The following BTG3 variants were observed in gnomAD, a reference collection of about 807,000 sequenced individuals.
BTG3 encodes the protein protein BTG3.
BTG3 carries 4 observed loss-of-function variants against 25.8 expected under a neutral mutation model. That is an observed-to-expected ratio of 0.16 (90% CI 0.08 to 0.36). The LOEUF (loss-of-function observed/expected upper bound fraction) is 0.36. Among genes scored for constraint, BTG3 ranks in the 10% least tolerant of loss-of-function variants. The pLI, the probability that BTG3 is intolerant of heterozygous loss-of-function variation, is 1.00. For missense variants in BTG3, 201 were observed against 304.9 expected (o/e 0.66, Z 2.54); for synonymous variants, 107 against 99.9 (o/e 1.07, Z -0.42).
intron 2 of BTG3, among the ~76,000 whole-genome samples, chr21:17,606,215 A>G (rs2061639613): frequency 6.6e-6 from 1 of 152,052 alleles, no homozygotes; most frequent in South Asian, 2.1e-4. Flanking sequence ...TTTTTTCCTC[A>G]GCATAAAGAA....
chr21:17,606,990 TACAA>T (rs2061651907), intron 2 of BTG3, among the ~76,000 whole-genome samples: 1 of 152,180 alleles, frequency 6.6e-6, no homozygotes, highest in African/African-American at 2.4e-5. Flanking sequence ...AATTTCAACT[TACAA>T]ACATTTTGTA....
intron 1 of BTG3, among the ~76,000 whole-genome samples, chr21:17,611,368 C>A (rs2061721175): frequency 6.6e-6 from 1 of 152,108 alleles, no homozygotes; most frequent in Non-Finnish European, 1.5e-5. Flanking sequence ...TATCTGAGTT[C>A]TGGATTTGTT....
At chr21:17,600,765 T>C (rs901349610) in intron 3 of BTG3, among the ~76,000 whole-genome samples, 1 of 152,346 alleles carries the variant, frequency 6.6e-6, no homozygotes. Context: ...TTTCTTCAGA[T>C]AGCTATGCTG....
chr21:17,597,819 T>A (rs1457954150), intron 4 of BTG3, among the ~76,000 whole-genome samples: 2 of 152,182 alleles, frequency 1.3e-5, no homozygotes, highest in Non-Finnish European at 2.9e-5. Flanking sequence ...TTTATCATAC[T>A]AAAAGCTCCA....
chr21:17,599,081 TAA>T (rs551777196), intron 3 of BTG3: 4 of 319,968 alleles, frequency 1.3e-5, no homozygotes, highest in East Asian at 5.1e-5. Flanking sequence ...TACTAATTCC[TAA>T]AAAAAAAATT....
intron 4 of BTG3, among the ~76,000 whole-genome samples, chr21:17,598,368 TCTA>T (rs1489705128): frequency 6.6e-6 from 1 of 152,204 alleles, no homozygotes; most frequent in African/African-American, 2.4e-5. Context: ...TCATGAATTT[TCTA>T]CTTTTTGCCA....
chr21:17,612,782 G>A lies in BTG3; in HGVS notation c.-92C>T, dbSNP rs1002743452. 3 of 152,182 alleles carry A rather than the reference G, an allele frequency of 2.0e-5. No homozygotes were observed. Among genetic ancestry groups the A allele is most frequent in the Non-Finnish European group, 2.9e-5 (2 of 68,064 alleles). 9.4% of individuals were successfully genotyped at this position (152,182 alleles called of 1,614,324 possible). A position where few individuals can be genotyped will look rare whatever the true frequency, so the allele number is the denominator to read the frequency against. On this transcript the variant is annotated 5_prime_UTR_variant, in exon 1 of 5. Coordinates refer to ENST00000348354, the MANE Select transcript of BTG3 (RefSeq NM_006806.5). ...CGGGAACTGAGGGCTCCGCCTCAAC[G>A]GGCCCGCGCTGGGCAACAGGGAGCG...
At chr21:17,597,492 A>G (rs1601083830) in intron 4 of BTG3, among the ~76,000 whole-genome samples, 2 of 151,734 alleles carry the variant, frequency 1.3e-5, no homozygotes, top group East Asian at 3.9e-4. Flanking sequence ...GAAGGATACT[A>G]AAAAAAAGAA....
Position 17,602,887 on chromosome 21 carries a change from C to T in BTG3, c.311+1973G>A, listed in dbSNP as rs189597652. Among the ~76,000 whole-genome samples, 30 of 152,294 alleles carry T rather than the reference C, an allele frequency of 2.0e-4. No individual in the cohort carries two copies. The East Asian group carries it at 5.8e-3, about 29-fold the overall frequency. ...TTATATAATTATGTAACTTGTTAAA[C>T]ATCCTTGGACATAAAAACTTTCCCC... On this transcript the variant is annotated intron_variant, in intron 3 of 4. Coordinates refer to ENST00000348354, the MANE Select transcript of BTG3 (RefSeq NM_006806.5).
At chr21:17,597,613 G>C (rs1348875739) in intron 4 of BTG3, among the ~76,000 whole-genome samples, 1 of 151,834 alleles carries the variant, frequency 6.6e-6, no homozygotes, top group Non-Finnish European at 1.5e-5. Context: ...GTTTCATAAA[G>C]CCAGGTACAT....
rs1255153288 is a variant in BTG3, at chr21:17,604,989, C to T, written c.182G>A (p.Arg61His). Residue 61 changes from arginine to histidine, a missense_variant, in exon 3 of 5, where the codon CGT (arginine) becomes CAT (histidine). Arg to His is a conservative substitution (Grantham distance 29). Coordinates refer to ENST00000348354, the MANE Select transcript of BTG3 (RefSeq NM_006806.5). ...ATCAACTCTCTGAAATTTATTGACA[C>T]GAATACATCTACAACAAAGTGGAGT... ...PSKGQAYRCI[R>H]VNKFQRVDPD... 2 of 1,613,552 alleles carry T rather than the reference C, an allele frequency of 1.2e-6. No homozygotes were observed. Among genetic ancestry groups the T allele is most frequent in the Admixed American group, 3.3e-5 (2 of 59,920 alleles).
chr21:17,596,517 T>G (rs934591371), intron 4 of BTG3, among the ~76,000 whole-genome samples: 1 of 152,048 alleles, frequency 6.6e-6, no homozygotes, highest in Admixed American at 6.6e-5. Flanking sequence ...GATCATCCAG[T>G]TGTTTCAGCA....
intron 1 of BTG3, among the ~76,000 whole-genome samples, chr21:17,610,075 A>C (rs952737449): frequency 2.6e-5 from 4 of 152,216 alleles, no homozygotes; most frequent in African/African-American, 9.6e-5. Context: ...GCCAGTCACA[A>C]ATGACCACAT....
At chr21:17,610,038 T>C (rs1452217003) in intron 1 of BTG3, among the ~76,000 whole-genome samples, 5 of 152,224 alleles carry the variant, frequency 3.3e-5, no homozygotes, top group Non-Finnish European at 5.9e-5. Context: ...TGGGTGAACC[T>C]TGAATACATC....
At chr21:17,600,889 C>T (rs546016993) in intron 3 of BTG3, among the ~76,000 whole-genome samples, 109 of 152,132 alleles carry the variant, frequency 7.2e-4, no homozygotes, top group Non-Finnish European at 1.3e-3. Flanking sequence ...AGGGGCTGGG[C>T]GCGGTGGCTC....
At chr21:17,600,032 A>AT (rs1465779335) in intron 3 of BTG3, among the ~76,000 whole-genome samples, 2 of 152,030 alleles carry the variant, frequency 1.3e-5, no homozygotes, top group East Asian at 1.9e-4. Flanking sequence ...TCTCATCTTA[A>AT]TTTTTTTTAA....
chr21:17,595,605 A>C (rs1279593821), intron 4 of BTG3, among the ~76,000 whole-genome samples: 2 of 152,100 alleles, frequency 1.3e-5, no homozygotes, highest in South Asian at 2.1e-4. Flanking sequence ...TCATTTTTCT[A>C]CAGCTAGATA....
At chr21:17,609,271 T>G (rs2061686476) in intron 1 of BTG3, 119 bp from the exon 2 acceptor site, 1 of 973,816 alleles carries the variant, frequency 1.0e-6, no homozygotes, top group African/African-American at 1.7e-5. Context: ...TTATCTTGTA[T>G]TTCTTTGGCT....
At chr21:17,608,148 G>A (rs562344590) in intron 2 of BTG3, among the ~76,000 whole-genome samples, 20 of 152,236 alleles carry the variant, frequency 1.3e-4, no homozygotes, top group African/African-American at 3.6e-4. Flanking sequence ...AGAAGATCGC[G>A]TGAGGCCAGG....
Sources: allele counts gnomAD v4.1 joint callset (sites outside exome capture counted in the v4.1 genomes callset), GRCh38; gene constraint gnomAD v4.1.1; transcripts MANE v1.5; gene names NCBI Gene and HGNC (gene_info 2026-07-23, HGNC 2026-07-21).